The following ANKRD1 variants were observed in gnomAD, a reference collection of about 807,000 sequenced individuals.
ANKRD1 encodes ankyrin repeat domain-containing protein 1.
A neutral mutation model predicts 40.1 loss-of-function variants in ANKRD1; 32 were observed. That is an observed-to-expected ratio of 0.80 (90% CI 0.60 to 1.07). The LOEUF (loss-of-function observed/expected upper bound fraction) is 1.07. ANKRD1 is among the 50% of genes least tolerant of loss of function. The pLI is 0.00. For synonymous variants in ANKRD1, 149 were observed against 141.2 expected (o/e 1.06, Z -0.39); for missense variants, 359 against 386.0 (o/e 0.93, Z 0.59).
Position 90,920,334 on chromosome 10 carries a change from C to G in ANKRD1, c.42G>C (p.Lys14Asn). 1 of 1,614,164 alleles carries G rather than the reference C, an allele frequency of 6.2e-7. No individual in the cohort carries two copies. Among genetic ancestry groups the G allele is most frequent in the Non-Finnish European group, 8.5e-7 (1 of 1,179,994 alleles). The change falls in exon 2 of 9, where the codon AAG (lysine) becomes AAC (asparagine). Residue 14 changes from lysine (K) to asparagine (N), a missense_variant. By Grantham distance (94) the Lys-to-Asn change is moderately conservative. Transcript: ENST00000371697. ...ATTCCCCTGCCTCCCCATTGCCATTCTTCTTTCCAGTGACCTATGAGGGAA... is the reference window on the plus strand; with the variant it reads ...ATTCCCCTGCCTCCCCATTGCCATTGTTCTTTCCAGTGACCTATGAGGGAA... The part of the protein sequence containing the change: ...LKVEELVTGK[K>N]NGNGEAGEFL...
At chr10:90,917,619 G>T in intron 5 of ANKRD1, 113 bp downstream of exon 5, 1 of 888,648 alleles carries the variant, frequency 1.1e-6, no homozygotes, top group Non-Finnish European at 1.8e-6. Flanking sequence ...CTTTTGCCTA[G>T]TTCTCTCAGA....
chr10:90,917,903 G>A, intron 4 of ANKRD1, 73 bp from the exon 5 acceptor site: 1 of 1,247,714 alleles, frequency 8.0e-7, no homozygotes, highest in Non-Finnish European at 1.2e-6. Context: ...TAAGAGCTAT[G>A]AAGCTGGAGA....
intron 2 of ANKRD1, among the ~76,000 whole-genome samples, chr10:90,919,635 G>A (rs1847413267): frequency 1.3e-5 from 2 of 152,180 alleles, no homozygotes; most frequent in Non-Finnish European, 2.9e-5. Context: ...TTTTGAGCAT[G>A]ATAAAAAGAA....
chr10:90,916,269 GC>G lies in ANKRD1; in HGVS notation c.553-1del. On this transcript the variant is annotated splice_acceptor_variant, in intron 5 of 8. Transcript: ENST00000371697. LOFTEE classifies it high-confidence loss of function. Reference sequence around the variant, plus strand: ...GCCCAGTGGATGGCTGTGGATTCAAGCTATACCGGGAGGGAAGACCCGACAA... The same window carrying G: ...GCCCAGTGGATGGCTGTGGATTCAAGTATACCGGGAGGGAAGACCCGACAA... 1 of 1,611,902 alleles carries G rather than the reference GC, an allele frequency of 6.2e-7. No individual in the cohort carries two copies. The highest frequency in any genetic ancestry group is 8.5e-7 in the Non-Finnish European group (1 of 1,178,034).
chr10:90,915,940 C>A, intron 6 of ANKRD1, 60 bp from the exon 7 acceptor site: 1 of 1,550,724 alleles, frequency 6.4e-7, no homozygotes, highest in African/African-American at 1.4e-5. Flanking sequence ...TGTCCCAGAC[C>A]CCAAGACATG....
intron 8 of ANKRD1, among the ~76,000 whole-genome samples, chr10:90,913,686 A>T (rs74413128): frequency 6.6e-6 from 1 of 152,178 alleles, no homozygotes; most frequent in African/African-American, 2.4e-5. Context: ...TTCCATCTCT[A>T]TTCATTGAGA....
intron 2 of ANKRD1, 118 bp from the exon 3 acceptor site, chr10:90,919,386 A>AT (rs1847410084): frequency 2.4e-6 from 2 of 848,134 alleles, no homozygotes; most frequent in South Asian, 1.7e-5. Flanking sequence ...GAGCAAAAAC[A>AT]TTTTTTAAAA....
chr10:90,913,464 C>T (rs1266883661), intron 8 of ANKRD1, among the ~76,000 whole-genome samples: 1 of 152,140 alleles, frequency 6.6e-6, no homozygotes, highest in African/African-American at 2.4e-5. Context: ...TATTACTGTT[C>T]CTGGGAGCAG....
chr10:90,913,930 C>T (rs888544110), intron 8 of ANKRD1, among the ~76,000 whole-genome samples: 8 of 152,082 alleles, frequency 5.3e-5, no homozygotes, highest in Non-Finnish European at 7.4e-5. Flanking sequence ...GGAAGGGCCA[C>T]CTTTAAAAGA....
At chr10:90,917,115 T>C (rs1317266201) in intron 5 of ANKRD1, among the ~76,000 whole-genome samples, 1 of 152,220 alleles carries the variant, frequency 6.6e-6, no homozygotes, top group African/African-American at 2.4e-5. Flanking sequence ...TTGGATTTCT[T>C]TGATATCCCG....
intron 8 of ANKRD1, among the ~76,000 whole-genome samples, chr10:90,915,255 A>G (rs1438567119): frequency 2.0e-5 from 3 of 152,130 alleles, no homozygotes; most frequent in African/African-American, 7.2e-5. Context: ...GTTTGTGGGG[A>G]TGAGCAAATT....
In ANKRD1 at chr10:90,912,318, A is replaced by T. The variant is rs1847323801; in HGVS notation, c.*548T>A. On this transcript the variant is annotated 3_prime_UTR_variant, in exon 9 of 9. Coordinates refer to ENST00000371697, the MANE Select transcript of ANKRD1 (RefSeq NM_014391.3). The stretch of plus-strand genomic sequence containing the variant: ...AAAAAAAAAAAAAAAAAAAAAAAAA[A>T]AAATCCAGCCTGGGGGTAAAATAGC... The T allele has an allele frequency of 6.9e-6, 1 of 144,772 alleles. No individual in the cohort carries two copies. Among genetic ancestry groups the T allele is most frequent in the South Asian group, 2.1e-4 (1 of 4,700 alleles). The allele number at this position is 144,772 out of a possible 1,614,324, so 9.0% of individuals were successfully genotyped here.
chr10:90,919,262 T>C lies in ANKRD1; in HGVS notation c.214A>G (p.Lys72Glu), dbSNP rs1564574800. 2 of 1,603,952 alleles carry C rather than the reference T, an allele frequency of 1.2e-6. No homozygotes were observed. The highest frequency in any genetic ancestry group is 3.4e-5 in the Admixed American group (2 of 59,396). Residue 72 changes from lysine (K) to glutamate (E), a missense_variant, in exon 3 of 9, where the codon AAG (lysine) becomes GAG (glutamate). Lys to Glu is a moderately conservative substitution (Grantham distance 56). Transcript: ENST00000371697. Reference protein sequence around the residue: ...SEKQREAELKKKKLEQRSKLE... With the variant: ...SEKQREAELKEKKLEQRSKLE... The stretch of plus-strand genomic sequence containing the variant: ...TTTGATCTTTGTTCTAGTTTTTTCT[T>C]TTTGAGCTAAAAAAGAAATTCGTAT...
rs141376679 is a variant in ANKRD1 at position 90,919,242 on chromosome 10, T to A, written c.234A>T (p.Arg78Ser). 308 of 1,608,576 alleles carry A rather than the reference T, an allele frequency of 1.9e-4. No homozygotes were observed. The highest frequency in any genetic ancestry group is 3.9e-4 in the Admixed American group (23 of 59,596). The change falls in exon 3 of 9, where the codon AGA becomes AGT. Residue 78 changes from arginine (R) to serine (S), a missense_variant. Physicochemically the swap from Arg to Ser is moderately radical, Grantham distance 110 (BLOSUM62 -1). Coordinates refer to ENST00000371697, the MANE Select transcript of ANKRD1 (RefSeq NM_014391.3). ...AELKKKKLEQ[R>S]SKLENLEDLE... ...GGTCTTCTAAATTTTCAAGCTTTGA[T>A]CTTTGTTCTAGTTTTTTCTTTTTGA... is the stretch of plus-strand genomic sequence containing the variant.
intron 8 of ANKRD1, 71 bp from the exon 9 acceptor site, chr10:90,913,047 G>T: frequency 7.5e-7 from 1 of 1,335,832 alleles, no homozygotes; most frequent in Non-Finnish European, 1.1e-6. Context: ...CTCTGTGTGT[G>T]TTTCATGAGG....
At chr10:90,915,421 G>A in intron 8 of ANKRD1, 122 bp downstream of exon 8, 1 of 837,016 alleles carries the variant, frequency 1.2e-6, no homozygotes, top group Non-Finnish European at 2.0e-6. Context: ...AAATGGGCAG[G>A]GGCATTTAGA....
chr10:90,917,722 A>G lies in ANKRD1; in HGVS notation c.552+10T>C. 2.5e-6 allele frequency: 4 copies of G among 1,611,580 alleles called. No individual in the cohort carries two copies. The South Asian group carries it at 4.4e-5, about 18-fold the overall frequency. On this transcript the variant is annotated intron_variant, in intron 5 of 8. Coordinates refer to ENST00000371697, the MANE Select transcript of ANKRD1 (RefSeq NM_014391.3). Reference sequence around the variant, plus strand: ...TTTTGGCTCATTCCCAAGCAAAGAAATATATTTACCATATCACGGAATTCG... The same window carrying G: ...TTTTGGCTCATTCCCAAGCAAAGAAGTATATTTACCATATCACGGAATTCG...
intron 8 of ANKRD1, among the ~76,000 whole-genome samples, 178 bp from the exon 9 acceptor site, chr10:90,913,154 G>C (rs184765469): frequency 1.3e-5 from 2 of 152,224 alleles, no homozygotes; most frequent in Admixed American, 1.3e-4. Flanking sequence ...TTCTCAGAGG[G>C]ATGCTTTTGC....
At chr10:90,916,842 G>A (rs1362411843) in intron 5 of ANKRD1, among the ~76,000 whole-genome samples, 1 of 152,172 alleles carries the variant, frequency 6.6e-6, no homozygotes, top group Non-Finnish European at 1.5e-5. Flanking sequence ...TAGGGTCCCT[G>A]TCGCTCTTTC....
Sources: allele counts gnomAD v4.1 joint callset (sites outside exome capture counted in the v4.1 genomes callset), GRCh38; gene constraint gnomAD v4.1.1; transcripts MANE v1.5; gene names NCBI Gene and HGNC (gene_info 2026-07-23, HGNC 2026-07-21).